Variants in KDM4C observed in about 807,000 individuals in gnomAD.
KDM4C encodes the protein lysine-specific demethylase 4C.
A neutral mutation model predicts 129.3 loss-of-function variants in KDM4C; 81 were observed. The observed-to-expected ratio is 0.63, with a 90% CI of 0.52 to 0.75. The LOEUF is 0.75. Ranked by LOEUF, KDM4C falls within the 30% of genes least tolerant of loss-of-function variation. The pLI, the probability that KDM4C is intolerant of heterozygous loss-of-function variation, is 0.00. For missense variants in KDM4C, 1,457 were observed against 1,304.0 expected (o/e 1.12, Z -1.81); for synonymous variants, 573 against 456.1 (o/e 1.26, Z -3.26).
At chr9:7,141,367 C>A (rs1841725490) in intron 19 of KDM4C, among the ~76,000 whole-genome samples, 1 of 151,146 alleles carries the variant, frequency 6.6e-6, no homozygotes, top group African/African-American at 2.5e-5. Context: ...CAAAACAGAA[C>A]AACAACAACA....
At chr9:6,847,641 C>T (rs140801887) in intron 4 of KDM4C, among the ~76,000 whole-genome samples, 3,602 of 152,278 alleles carry the variant, frequency 0.024, 144 homozygotes, top group African/African-American at 0.078. Flanking sequence ...CCACCCGCCT[C>T]GGCCTCCCAA....
intron 15 of KDM4C, among the ~76,000 whole-genome samples, chr9:7,023,034 T>C (rs1344033893): frequency 6.6e-6 from 1 of 152,202 alleles, no homozygotes; most frequent in Non-Finnish European, 1.5e-5. Context: ...TAATGTGTTG[T>C]TGAATTTGGT....
intron 1 of KDM4C, among the ~76,000 whole-genome samples, chr9:6,746,423 A>T (rs1027499234): frequency 4.7e-5 from 7 of 149,732 alleles, no homozygotes; most frequent in Non-Finnish European, 1.0e-4. Flanking sequence ...CGCTCGCCAC[A>T]ACGCCCGGCT....
At chr9:7,042,045 A>G (rs78487924) in intron 15 of KDM4C, among the ~76,000 whole-genome samples, 1 of 152,022 alleles carries the variant, frequency 6.6e-6, no homozygotes, top group Admixed American at 6.6e-5. Context: ...TGGACTGACA[A>G]TGTTATATTT....
chr9:6,785,691 A>G (rs1825344903), intron 1 of KDM4C, among the ~76,000 whole-genome samples: 1 of 152,248 alleles, frequency 6.6e-6, no homozygotes, highest in Admixed American at 6.5e-5. Flanking sequence ...ACCCTAATCA[A>G]ATATGACCTC....
intron 7 of KDM4C, 62 bp from the exon 8 acceptor site, chr9:6,893,033 A>G: frequency 8.1e-7 from 1 of 1,239,154 alleles, no homozygotes; most frequent in South Asian, 2.2e-5. Flanking sequence ...ATATATTTTA[A>G]TTGTATTCAT....
Position 6,826,633 on chromosome 9 carries a change from A to C in KDM4C, c.435+11888A>C, listed in dbSNP as rs146453851. 8.6e-3 allele frequency among the ~76,000 whole-genome samples: 1,308 copies of C among 152,246 alleles called. 27 individuals carry two copies. The highest frequency in any genetic ancestry group is 0.03 in the African/African-American group (1,247 of 41,550). ...GTGATCCCAGCACTTTGGGAGGCCA[A>C]GGTGGGTGGATCACCTGAGGTCAGC... is the stretch of plus-strand genomic sequence containing the variant. On this transcript the variant is annotated intron_variant, in intron 4 of 21. Coordinates refer to ENST00000381309, the MANE Select transcript of KDM4C (RefSeq NM_015061.6).
intron 18 of KDM4C, among the ~76,000 whole-genome samples, chr9:7,106,357 A>G (rs1399922180): frequency 2.0e-4 from 31 of 152,244 alleles, no homozygotes; most frequent in Admixed American, 2.0e-3. Context: ...GTTCTCAACC[A>G]TGCATTGATT....
At chr9:7,098,464 A>G (rs981507820) in intron 17 of KDM4C, among the ~76,000 whole-genome samples, 14 of 152,340 alleles carry the variant, frequency 9.2e-5, no homozygotes, top group African/African-American at 2.9e-4. Flanking sequence ...CTTGGAGTGC[A>G]TAAGAAATAA....
intron 8 of KDM4C, among the ~76,000 whole-genome samples, chr9:6,979,028 A>G (rs544000068): frequency 6.6e-6 from 1 of 152,236 alleles, no homozygotes; most frequent in South Asian, 2.1e-4. Context: ...TGCAATTGTA[A>G]TCATGATCAG....
intron 19 of KDM4C, among the ~76,000 whole-genome samples, chr9:7,154,451 AAGG>A (rs1215858936): frequency 6.6e-5 from 10 of 152,330 alleles, no homozygotes; most frequent in African/African-American, 2.4e-4. Context: ...TTATACACGT[AAGG>A]AGTAGTGATG....
intron 16 of KDM4C, 30 bp from the exon 17 acceptor site, chr9:7,049,062 T>C (rs745652070): frequency 3.3e-6 from 5 of 1,499,852 alleles, no homozygotes; most frequent in East Asian, 4.5e-5. Context: ...AGGGAACTTT[T>C]GTTTATGTTT....
chr9:6,927,034 T>C (rs1822702987), intron 8 of KDM4C, among the ~76,000 whole-genome samples: 1 of 152,218 alleles, frequency 6.6e-6, no homozygotes, highest in Admixed American at 6.5e-5. Flanking sequence ...CAGATTTTAA[T>C]CATTGTTAAC....
chr9:7,148,313 C>T (rs1384529851), intron 19 of KDM4C, among the ~76,000 whole-genome samples: 3 of 152,176 alleles, frequency 2.0e-5, no homozygotes, highest in African/African-American at 7.2e-5. Flanking sequence ...TCCTCCTTGC[C>T]CACAGTGCGG....
At chr9:7,095,279 G>GA (rs1836289200) in intron 17 of KDM4C, among the ~76,000 whole-genome samples, 1 of 152,178 alleles carries the variant, frequency 6.6e-6, no homozygotes, top group Non-Finnish European at 1.5e-5. Context: ...ACTACTCTCT[G>GA]AAAAAACGTC....
intron 8 of KDM4C, among the ~76,000 whole-genome samples, chr9:6,903,100 A>G (rs546743177): frequency 1.3e-5 from 2 of 152,324 alleles, no homozygotes; most frequent in South Asian, 4.1e-4. Context: ...TTCGATTAAA[A>G]AAACCCAATT....
rs1158199897 is a variant in KDM4C at position 6,944,652 on chromosome 9, G to GTTTTTTTTTTTTTTTTTTTT, written c.922-36270_922-36251dup. ...CAACACACTTTTTGTCAAGGTAGAG[G>GTTTTTTTTTTTTTTTTTTTT]TTTTTTTTTTTTTTTTTTTTTTGCC... On this transcript the variant is annotated intron_variant, in intron 8 of 21. Coordinates refer to ENST00000381309, the MANE Select transcript of KDM4C (RefSeq NM_015061.6). Among the ~76,000 whole-genome samples, 37 of 80,992 alleles carry GTTTTTTTTTTTTTTTTTTTT rather than the reference G, an allele frequency of 4.6e-4. 5 individuals are homozygous for GTTTTTTTTTTTTTTTTTTTT. Among genetic ancestry groups the GTTTTTTTTTTTTTTTTTTTT allele is most frequent in the East Asian group, 9.0e-4 (2 of 2,214 alleles). 53.1% of individuals were successfully genotyped at this position (80,992 alleles called of 152,430 possible). A position where few individuals can be genotyped will look rare whatever the true frequency, so the allele number is the denominator to read the frequency against.
At chr9:6,924,044 G>A (rs1822025580) in intron 8 of KDM4C, among the ~76,000 whole-genome samples, 1 of 152,134 alleles carries the variant, frequency 6.6e-6, no homozygotes, top group African/African-American at 2.4e-5. Flanking sequence ...GGTGCCTTAG[G>A]CGAGACAATG....
At chr9:6,990,780 G>C (rs1385882607) in intron 12 of KDM4C, among the ~76,000 whole-genome samples, 1 of 152,134 alleles carries the variant, frequency 6.6e-6, no homozygotes, top group Non-Finnish European at 1.5e-5. Flanking sequence ...AGTCAGCCTT[G>C]ACATGTTTTA....
Sources: gnomAD v4.1 joint callset for allele counts (sites outside exome capture counted in the v4.1 genomes callset) on GRCh38, gnomAD v4.1.1 for gene constraint, MANE v1.5 for transcripts, NCBI Gene and HGNC (gene_info 2026-07-23, HGNC 2026-07-21) for gene names.